The following TRIM66 variants were observed in gnomAD, a reference collection of about 807,000 sequenced individuals.
TRIM66 encodes tripartite motif-containing protein 66.
In TRIM66, 99 loss-of-function variants were observed where a neutral mutation model predicts 148.2. The ratio of observed to expected loss-of-function variants is 0.67; its 90% CI spans 0.57 to 0.79. TRIM66 has a LOEUF of 0.79. TRIM66 is among the 30% of genes least tolerant of loss of function. The pLI, the probability that TRIM66 is intolerant of heterozygous loss-of-function variation, is 0.00. For synonymous variants in TRIM66, 616 were observed against 635.9 expected (o/e 0.97, Z 0.47); for missense variants, 1,666 against 1,697.9 (o/e 0.98, Z 0.33).
chr11:8,623,015 TC>T, intron 17 of TRIM66, 139 bp from the exon 18 acceptor site: 1 of 693,822 alleles, frequency 1.4e-6, no homozygotes, highest in South Asian at 1.8e-5. Flanking sequence ...CTATAGTCAT[TC>T]ATACATAGTG....
chr11:8,632,039 C>A (rs2035451219), intron 15 of TRIM66, among the ~76,000 whole-genome samples: 1 of 152,192 alleles, frequency 6.6e-6, no homozygotes, highest in Non-Finnish European at 1.5e-5. Flanking sequence ...GAGAGGAAAA[C>A]AGATTGGTGA....
At chr11:8,622,468 C>T (rs1284015781) in intron 18 of TRIM66, among the ~76,000 whole-genome samples, 1 of 150,206 alleles carries the variant, frequency 6.7e-6, no homozygotes, top group Admixed American at 6.6e-5. Flanking sequence ...TGGATTTGGA[C>T]TCTGAATGTG....
chr11:8,672,804 TG>T (rs2039002142), intron 4 of TRIM66, among the ~76,000 whole-genome samples: 1 of 151,938 alleles, frequency 6.6e-6, no homozygotes, highest in South Asian at 2.1e-4. Flanking sequence ...GCTAATTTTT[TG>T]TATTTTTAGT....
intron 3 of TRIM66, among the ~76,000 whole-genome samples, chr11:8,675,664 G>A (rs1016274758): frequency 5.9e-5 from 9 of 152,216 alleles, no homozygotes; most frequent in African/African-American, 2.2e-4. Flanking sequence ...TTACAGGCAT[G>A]AGCCATCGCA....
chr11:8,675,874 G>A (rs1480327476), intron 3 of TRIM66, among the ~76,000 whole-genome samples: 1 of 152,106 alleles, frequency 6.6e-6, no homozygotes, highest in African/African-American at 2.4e-5. Flanking sequence ...AAGTAGCTGG[G>A]ATTACAGGCA....
chr11:8,664,957 C>T (rs2038496277), intron 6 of TRIM66, among the ~76,000 whole-genome samples: 1 of 152,130 alleles, frequency 6.6e-6, no homozygotes, highest in Admixed American at 6.5e-5. Context: ...AACTGCTCGG[C>T]TCTGCCCAGC....
intron 5 of TRIM66, 21 bp downstream of exon 5, chr11:8,672,227 G>T: frequency 1.3e-6 from 2 of 1,536,162 alleles, no homozygotes. Context: ...GGAGGCTCAT[G>T]CCTCAGCCTC....
intron 15 of TRIM66, among the ~76,000 whole-genome samples, chr11:8,631,176 A>G (rs1397182851): frequency 6.6e-6 from 1 of 152,218 alleles, no homozygotes; most frequent in Admixed American, 6.5e-5. Flanking sequence ...CCAGCCTTGA[A>G]AACAGGCTGG....
chr11:8,672,619 CTTTT>C (rs11293374), intron 4 of TRIM66, among the ~76,000 whole-genome samples: 4 of 113,292 alleles, frequency 3.5e-5, no homozygotes, highest in Admixed American at 1.8e-4. Flanking sequence ...ACTCCAGTCT[CTTTT>C]TTTTTTTTTT....
At chr11:8,639,310 G>A (rs1258872259) in intron 14 of TRIM66, among the ~76,000 whole-genome samples, 1 of 152,188 alleles carries the variant, frequency 6.6e-6, no homozygotes. Context: ...ATTTAAAGGG[G>A]ATACCACTAT....
At chr11:8,621,964 T>G (rs781091955) in intron 18 of TRIM66, 145 bp from the exon 19 acceptor site, 2 of 903,956 alleles carry the variant, frequency 2.2e-6, no homozygotes, top group Admixed American at 7.2e-5. Context: ...TTATCCTGGG[T>G]GTGTCTGTGA....
intron 6 of TRIM66, among the ~76,000 whole-genome samples, chr11:8,670,365 G>T (rs1489040299): frequency 6.6e-6 from 1 of 152,066 alleles, no homozygotes; most frequent in African/African-American, 2.4e-5. Context: ...CCTCAAGCAG[G>T]TCCCAGTATC....
chr11:8,637,253 G>C (rs2035959404), intron 15 of TRIM66, among the ~76,000 whole-genome samples: 1 of 151,944 alleles, frequency 6.6e-6, no homozygotes, highest in Admixed American at 6.6e-5. Context: ...ATTCACCAAT[G>C]TATGCCTGGC....
Position 8,624,517 on chromosome 11 carries a change from A to G in TRIM66, c.2861T>C (p.Leu954Ser), listed in dbSNP as rs567298463. The change falls in exon 17 of 25, where the codon TTA (leucine) becomes TCA (serine). Residue 954 changes from leucine to serine, a missense_variant. Around this residue, in one of 3 missense-constraint regions of TRIM66, gnomAD observed 1,431 missense variants for 1,412.4 expected, o/e 1.01. Coordinates refer to ENST00000646038, the MANE Select transcript of TRIM66 (RefSeq NM_001388022.1). ...ESEDSTRFTD[L>S]LGQGPIVPGL... ...GGGGACTATGGGACCTTGTCCCAGT[A>G]AGTCAGTGAAGCGAGTGGAATCCTC... 3 of 1,534,032 alleles carry G rather than the reference A, an allele frequency of 2.0e-6. No homozygotes were observed. The South Asian group carries it at 3.7e-5, about 19-fold the overall frequency.
chr11:8,678,772 A>C (rs547251381), intron 3 of TRIM66, among the ~76,000 whole-genome samples: 54 of 152,334 alleles, frequency 3.5e-4, no homozygotes, highest in African/African-American at 1.3e-3. Flanking sequence ...TTCATTCAGG[A>C]TGTTGCTGCT....
intron 15 of TRIM66, among the ~76,000 whole-genome samples, chr11:8,626,726 T>C (rs2034885507): frequency 6.6e-6 from 1 of 152,210 alleles, no homozygotes; most frequent in African/African-American, 2.4e-5. Flanking sequence ...AACCCCGCAG[T>C]GCGCTACATT....
intron 15 of TRIM66, among the ~76,000 whole-genome samples, chr11:8,629,341 T>C (rs2035171876): frequency 6.6e-6 from 1 of 152,214 alleles, no homozygotes; most frequent in Admixed American, 6.5e-5. Context: ...GACATGTATG[T>C]TTAGTGTGGT....
rs1339331888 is a variant in TRIM66 at position 8,619,253 on chromosome 11, G to A, written c.3900+130C>T. 11 of 1,091,558 alleles carry A rather than the reference G, an allele frequency of 1.0e-5. No individual in the cohort carries two copies. In the Admixed American group the frequency reaches 1.2e-4, roughly 12 times the overall value. The allele number at this position is 1,091,558 out of a possible 1,614,324, so 67.6% of individuals were successfully genotyped here. ...AGAGAGCTTTTAAACACTCACCACAGCAGGCCCCCAGAATCTGCTCCCCAG... is the reference window on the plus strand; with the variant it reads ...AGAGAGCTTTTAAACACTCACCACAACAGGCCCCCAGAATCTGCTCCCCAG... On this transcript the variant is annotated intron_variant, in intron 23 of 24. Coordinates refer to ENST00000646038, the MANE Select transcript of TRIM66 (RefSeq NM_001388022.1).
intron 15 of TRIM66, among the ~76,000 whole-genome samples, chr11:8,635,409 G>A (rs2035788415): frequency 6.6e-6 from 1 of 152,174 alleles, no homozygotes; most frequent in Non-Finnish European, 1.5e-5. Flanking sequence ...TCAGAATGTT[G>A]TTTGCTATCC....
Sources: gnomAD v4.1 joint callset for allele counts (sites outside exome capture counted in the v4.1 genomes callset) on GRCh38, gnomAD v4.1.1 for gene constraint, gnomAD v4.1.1 regional missense constraint, MANE v1.5 for transcripts, NCBI Gene and HGNC (gene_info 2026-07-23, HGNC 2026-07-21) for gene names.